The following PITPNB variants were observed in gnomAD, a reference collection of about 807,000 sequenced individuals.
The protein encoded by PITPNB is phosphatidylinositol transfer protein beta isoform.
PITPNB carries 16 observed loss-of-function variants against 45.9 expected under a neutral mutation model. The ratio of observed to expected loss-of-function variants is 0.35; its 90% CI spans 0.24 to 0.53. PITPNB has a LOEUF of 0.53. PITPNB is among the 20% of genes least tolerant of loss of function. The probability of loss-of-function intolerance (pLI) is 0.93; values close to 1 mark genes in which losing one functional copy is unlikely to be tolerated. For missense variants in PITPNB, 188 were observed against 330.5 expected, an observed-to-expected ratio of 0.57 and a Z score of 3.34; for synonymous variants, 112 against 108.9, an observed-to-expected ratio of 1.03 and a Z score of -0.18.
At chr22:27,918,191 A>C (rs1936141934) in intron 1 of PITPNB, among the ~76,000 whole-genome samples, 1 of 152,228 alleles carries the variant, frequency 6.6e-6, no homozygotes, top group Non-Finnish European at 1.5e-5. Flanking sequence ...GGGAGGTATT[A>C]AGTCTCAGAG....
At chr22:27,867,320 T>C (rs999365022) in intron 8 of PITPNB, among the ~76,000 whole-genome samples, 1 of 152,030 alleles carries the variant, frequency 6.6e-6, no homozygotes, top group Non-Finnish European at 1.5e-5. Flanking sequence ...CTGGGAGCCA[T>C]GAGAAGGTCA....
At chr22:27,907,004 T>C (rs761514716) in intron 3 of PITPNB, among the ~76,000 whole-genome samples, 2 of 152,210 alleles carry the variant, frequency 1.3e-5, no homozygotes, top group South Asian at 2.1e-4. Context: ...CTGGCTAAAG[T>C]AGATCTCAGA....
At chr22:27,883,507 G>A (rs1277208453) in intron 7 of PITPNB, among the ~76,000 whole-genome samples, 4 of 152,232 alleles carry the variant, frequency 2.6e-5, no homozygotes, top group African/African-American at 4.8e-5. Context: ...GTGGGCATGC[G>A]CAGGAATGGC....
At chr22:27,885,196 G>A (rs1935083057) in intron 7 of PITPNB, among the ~76,000 whole-genome samples, 1 of 47,226 alleles carries the variant, frequency 2.1e-5, no homozygotes, top group African/African-American at 8.0e-5. Flanking sequence ...AAAAGAGCCA[G>A]ATTCAAATTT....
intron 2 of PITPNB, among the ~76,000 whole-genome samples, chr22:27,911,929 C>T (rs1247603992): frequency 2.0e-5 from 3 of 152,126 alleles, no homozygotes; most frequent in African/African-American, 7.2e-5. Context: ...ATTTTCTACG[C>T]CAATCTGGAG....
At chr22:27,894,738 G>A (rs1935386266) in intron 6 of PITPNB, 100 bp from the exon 7 acceptor site, 2 of 612,868 alleles carry the variant, frequency 3.3e-6, no homozygotes. Context: ...GGACATTATA[G>A]GGAATTAAAA....
At chr22:27,859,695 G>A (rs1456940282) in intron 9 of PITPNB, among the ~76,000 whole-genome samples, 1 of 152,214 alleles carries the variant, frequency 6.6e-6, no homozygotes, top group East Asian at 1.9e-4. Flanking sequence ...GACATCCCCT[G>A]TGACAGCACA....
intron 7 of PITPNB, chr22:27,894,329 G>A (rs1176489753): frequency 2.7e-6 from 1 of 363,976 alleles, no homozygotes; most frequent in Non-Finnish European, 4.9e-6. Flanking sequence ...GGGATCACTT[G>A]CACAAAGCCA....
At chr22:27,877,632 G>C (rs1934856785) in intron 7 of PITPNB, among the ~76,000 whole-genome samples, 1 of 152,196 alleles carries the variant, frequency 6.6e-6, no homozygotes, top group Admixed American at 6.5e-5. Flanking sequence ...AAGAATATTA[G>C]TTTCATGAAT....
chr22:27,868,727 T>A lies in PITPNB; in HGVS notation c.534+5011A>T, dbSNP rs892390408. On this transcript the variant is annotated intron_variant, in intron 8 of 11. Transcript: ENST00000335272. ...CATAAAGATAATTTAAAAACCACCA[T>A]AATTTCTGGATCAACTTATTTATTT... 2.6e-5 allele frequency among the ~76,000 whole-genome samples: 4 copies of A among 152,182 alleles called. No homozygotes were observed. In the South Asian group the frequency reaches 8.3e-4, roughly 31 times the overall value.
At chr22:27,870,942 T>C (rs569349240) in intron 8 of PITPNB, among the ~76,000 whole-genome samples, 52 of 152,328 alleles carry the variant, frequency 3.4e-4, no homozygotes, top group Non-Finnish European at 5.3e-4. Context: ...GCTGAATTTA[T>C]AAGAGTAGCT....
chr22:27,860,605 G>A (rs1934298173), intron 8 of PITPNB: 1 of 160,560 alleles, frequency 6.2e-6, no homozygotes, highest in African/African-American at 2.4e-5. Flanking sequence ...CTGTGGATGT[G>A]GTGAGGCACA....
intron 1 of PITPNB, among the ~76,000 whole-genome samples, chr22:27,915,963 A>T (rs1936062379): frequency 6.6e-6 from 1 of 152,162 alleles, no homozygotes; most frequent in African/African-American, 2.4e-5. Context: ...AAACACTGAC[A>T]AGCAGGAGAA....
chr22:27,916,520 A>T (rs2146435661), intron 1 of PITPNB, among the ~76,000 whole-genome samples: 2 of 152,364 alleles, frequency 1.3e-5, no homozygotes, highest in Middle Eastern at 3.4e-3. Flanking sequence ...TTATAAAAAA[A>T]TAAATAGAGG....
At chr22:27,869,094 CA>C (rs1934571401) in intron 8 of PITPNB, among the ~76,000 whole-genome samples, 1 of 152,088 alleles carries the variant, frequency 6.6e-6, no homozygotes, top group African/African-American at 2.4e-5. Context: ...CACACACACA[CA>C]AACACACGTG....
chr22:27,862,349 T>C (rs1934363718), intron 8 of PITPNB, among the ~76,000 whole-genome samples: 1 of 152,206 alleles, frequency 6.6e-6, no homozygotes, highest in Non-Finnish European at 1.5e-5. Flanking sequence ...GGATATACTA[T>C]ATGAAAAATT....
At chr22:27,896,787 T>C in intron 5 of PITPNB, 161 bp from the exon 6 acceptor site, 1 of 617,050 alleles carries the variant, frequency 1.6e-6, no homozygotes, top group Non-Finnish European at 2.9e-6. Context: ...TTTATAGACT[T>C]GTCAGGCAAA....
intron 2 of PITPNB, among the ~76,000 whole-genome samples, chr22:27,912,675 G>A (rs2146429690): frequency 6.6e-6 from 1 of 151,828 alleles, no homozygotes; most frequent in Middle Eastern, 3.4e-3. Flanking sequence ...AGACACAGAA[G>A]GCATGTTTTA....
chr22:27,880,744 T>C (rs971916564), intron 7 of PITPNB, among the ~76,000 whole-genome samples: 15 of 152,094 alleles, frequency 9.9e-5, no homozygotes, highest in Non-Finnish European at 2.2e-4. Flanking sequence ...TGCCTCAGCT[T>C]CCCGAGTAGC....
Sources: gnomAD v4.1 joint callset for allele counts (sites outside exome capture counted in the v4.1 genomes callset) on GRCh38, gnomAD v4.1.1 for gene constraint, MANE v1.5 for transcripts, NCBI Gene and HGNC (gene_info 2026-07-23, HGNC 2026-07-21) for gene names.